Variants in LMNA observed in about 807,000 individuals in gnomAD.
LMNA encodes the protein lamin A/C.
LMNA carries 20 observed loss-of-function variants against 70.4 expected under a neutral mutation model. The ratio of observed to expected loss-of-function variants is 0.28; its 90% CI spans 0.20 to 0.41. The LOEUF (loss-of-function observed/expected upper bound fraction) is 0.41. Among genes scored for constraint, LMNA ranks in the 10% least tolerant of loss-of-function variants. The pLI, the probability that LMNA is intolerant of heterozygous loss-of-function variation, is 1.00. For missense variants in LMNA, 652 were observed against 917.2 expected (o/e 0.71, Z 3.73); for synonymous variants, 339 against 372.8 (o/e 0.91, Z 1.04).
intron 1 of LMNA, chr1:156,123,290 G>A (rs963326770): frequency 6.6e-6 from 1 of 152,190 alleles, no homozygotes; most frequent in Non-Finnish European, 1.5e-5. Flanking sequence ...GGTCACCAAG[G>A]CTCCCCTTTC....
At chr1:156,106,079 G>C (rs1301132357) in intron 3 of LMNA, among the ~76,000 whole-genome samples, 1 of 151,912 alleles carries the variant, frequency 6.6e-6, no homozygotes, top group Non-Finnish European at 1.5e-5. Context: ...GGCTTGCAGT[G>C]AGCCGAGATC....
intron 2 of LMNA, among the ~76,000 whole-genome samples, chr1:156,085,872 A>T (rs1648454853): frequency 6.6e-6 from 1 of 152,168 alleles, no homozygotes; most frequent in Non-Finnish European, 1.5e-5. Context: ...CCTGGGCAAC[A>T]TGGCAAAACC....
At chr1:156,127,934 C>T (rs1650737418) in intron 1 of LMNA, among the ~76,000 whole-genome samples, 1 of 152,092 alleles carries the variant, frequency 6.6e-6, no homozygotes, top group Admixed American at 6.6e-5. Flanking sequence ...GATCCACCTG[C>T]CTTGGCCTCC....
rs2102900068 is a variant in LMNA, at chr1:156,138,152, C to T, written c.1699-336C>T. 1.9e-6 allele frequency: 1 copy of T among 539,192 alleles called. No individual in the cohort carries two copies. Among genetic ancestry groups the T allele is most frequent in the East Asian group, 3.2e-5 (1 of 30,890 alleles). 33.4% of individuals were successfully genotyped at this position (539,192 alleles called of 1,614,324 possible). On this transcript the variant is annotated intron_variant, in intron 10 of 11. Transcript: ENST00000368300. This position sits in a 1 kb window ranked among gnomAD's most constrained non-coding sequence, Gnocchi z 5.5. ...ATGTTCTCTCTCATTCCTGACCGCC[C>T]CTCCACTCCAATTAATAGTGCATGC...
intron 2 of LMNA, among the ~76,000 whole-genome samples, chr1:156,132,029 C>T (rs1355323557): frequency 9.2e-5 from 14 of 152,028 alleles, no homozygotes; most frequent in East Asian, 3.9e-4. Flanking sequence ...ATTAGCCAGG[C>T]GTGGTGGCAC....
intron 1 of LMNA, among the ~76,000 whole-genome samples, chr1:156,118,961 T>A (rs930373253): frequency 2.0e-5 from 3 of 152,254 alleles, no homozygotes; most frequent in Admixed American, 1.3e-4. Context: ...CTCTTCTTTT[T>A]TTGAGACAGG....
Position 156,115,367 on chromosome 1 carries a change from C to A in LMNA, c.356+93C>A. The A allele has an allele frequency of 3.5e-6, 4 of 1,155,638 alleles. No individual in the cohort carries two copies. The highest frequency in any genetic ancestry group is 5.0e-6 in the Non-Finnish European group (4 of 800,878). 71.6% of individuals were successfully genotyped at this position (1,155,638 alleles called of 1,614,324 possible). A position where few individuals can be genotyped will look rare whatever the true frequency, so the allele number is the denominator to read the frequency against. On this transcript the variant is annotated intron_variant, in intron 1 of 11. Coordinates refer to ENST00000368300, the MANE Select transcript of LMNA (RefSeq NM_170707.4). This position sits in a 1 kb window ranked among gnomAD's most constrained non-coding sequence, Gnocchi z 5.8. ...CGGCCGCAGGAAGGGAGTGAGAGGG[C>A]CTGGAGGCCGATAACTTTGCCATAG...
Position 156,084,337 on chromosome 1 carries a change from G to C in LMNA, c.-319+1153G>C, listed in dbSNP as rs781718865. ...GAGGATCTCAGAAGGTCGGGGGGTG[G>C]TGGGGGCAGTTGGCACACTGCAGGG... is the stretch of plus-strand genomic sequence containing the variant. On this transcript the variant is annotated intron_variant, in intron 2 of 12. Coordinates refer to the LMNA transcript ENST00000368301. 4.1e-5 allele frequency among the ~76,000 whole-genome samples: 5 copies of C among 121,368 alleles called. 1 individual carries two copies. Among genetic ancestry groups the C allele is most frequent in the Non-Finnish European group, 8.8e-5 (5 of 56,724 alleles). The allele number at this position is 121,368 out of a possible 152,430, so 79.6% of individuals were successfully genotyped here.
At chr1:156,087,528 A>G (rs1648527108) in intron 2 of LMNA, among the ~76,000 whole-genome samples, 1 of 151,744 alleles carries the variant, frequency 6.6e-6, no homozygotes. Context: ...GTCGTGAGCC[A>G]TCGCGCCCGG....
chr1:156,086,422 CTCTTTT>C (rs1038466246), intron 2 of LMNA, among the ~76,000 whole-genome samples: 10 of 151,910 alleles, frequency 6.6e-5, no homozygotes, highest in African/African-American at 9.7e-5. Context: ...CTCTCTCTCT[CTCTTTT>C]GTCTTTCTTA....
In LMNA at chr1:156,135,258, G is replaced by A; in HGVS notation, c.882G>A (p.Gln294=). ...GGGCTGCCCACGAGGAGCTGCAGCA[G>A]TCGCGCATCCGCATCGACAGCCTCT... ...LVGAAHEELQ[Q]SRIRIDSLSA... Residue 294 remains glutamine, a synonymous_variant, in exon 5 of 12, where the codon CAG becomes CAA. Transcript: ENST00000368300. This position sits in a 1 kb window ranked among gnomAD's most constrained non-coding sequence, Gnocchi z 4.8. 6.2e-7 allele frequency: 1 copy of A among 1,613,694 alleles called. No homozygotes were observed. The highest frequency in any genetic ancestry group is 8.5e-7 in the Non-Finnish European group (1 of 1,180,038).
rs1651892577 is a variant in LMNA at position 156,138,880 on chromosome 1, G to A, written c.1968+123G>A. ...TCTTCCGCAGCCCGGGGGAGTGGGAGCCTCCTCCCCACAGCCTGAGTCCTA... is the reference window on the plus strand; with the variant it reads ...TCTTCCGCAGCCCGGGGGAGTGGGAACCTCCTCCCCACAGCCTGAGTCCTA... On this transcript the variant is annotated intron_variant, in intron 11 of 11. Coordinates refer to ENST00000368300, the MANE Select transcript of LMNA (RefSeq NM_170707.4). The surrounding 1 kb of genome is among the most constrained non-coding windows in gnomAD (Gnocchi z 5.5). 9 of 1,385,580 alleles carry A rather than the reference G, an allele frequency of 6.5e-6. No homozygotes were observed. The highest frequency in any genetic ancestry group is 8.1e-6 in the Non-Finnish European group (8 of 988,854). 85.8% of individuals were successfully genotyped at this position (1,385,580 alleles called of 1,614,324 possible). A position where few individuals can be genotyped will look rare whatever the true frequency, so the allele number is the denominator to read the frequency against.
rs1045472115 is a variant in LMNA at position 156,136,232 on chromosome 1, C to T, written c.1176C>T (p.Ser392=). The change falls in exon 7 of 12, where the codon AGC becomes AGT. Residue 392 remains serine (S), a synonymous_variant. Transcript: ENST00000368300. This position sits in a 1 kb window ranked among gnomAD's most constrained non-coding sequence, Gnocchi z 6.1. ...TCCCCAGGCTACGCCTGTCCCCCAGCCCTACCTCGCAGCGCAGCCGTGGCC... is the reference window on the plus strand; with the variant it reads ...TCCCCAGGCTACGCCTGTCCCCCAGTCCTACCTCGCAGCGCAGCCGTGGCC... The part of the protein sequence containing the change: ...GEEERLRLSP[S]PTSQRSRGRA... 6.2e-7 allele frequency: 1 copy of T among 1,612,330 alleles called. No homozygotes were observed. Among genetic ancestry groups the T allele is most frequent in the South Asian group, 1.1e-5 (1 of 91,080 alleles).
chr1:156,135,027 C>T lies in LMNA; in HGVS notation c.810+52C>T. On this transcript the variant is annotated intron_variant, in intron 4 of 11. Transcript: ENST00000368300. The surrounding 1 kb of genome is among the most constrained non-coding windows in gnomAD (Gnocchi z 4.8). ...CTGCCTCTGCCCTTGGCAGCCCTAC[C>T]CTTACCCACGCTGGGCTATGCCTTC... is the stretch of plus-strand genomic sequence containing the variant. 5 of 1,612,628 alleles carry T rather than the reference C, an allele frequency of 3.1e-6. No homozygotes were observed. The highest frequency in any genetic ancestry group is 4.2e-6 in the Non-Finnish European group (5 of 1,179,002).
intron 3 of LMNA, among the ~76,000 whole-genome samples, chr1:156,108,919 CG>C (rs1649442346): frequency 6.6e-6 from 1 of 152,120 alleles, no homozygotes; most frequent in South Asian, 2.1e-4. Context: ...GGCCTAAAGT[CG>C]GGAGAGGCTA....
intron 1 of LMNA, chr1:156,126,486 CAG>C: frequency 1.5e-6 from 1 of 658,890 alleles, no homozygotes; most frequent in Non-Finnish European, 2.8e-6. Flanking sequence ...CAGGGTGACT[CAG>C]AGGGTGGGTC....
At chr1:156,128,798 T>G (rs1171912149) in intron 1 of LMNA, among the ~76,000 whole-genome samples, 1 of 152,220 alleles carries the variant, frequency 6.6e-6, no homozygotes, top group Non-Finnish European at 1.5e-5. Context: ...CTCTAAATTC[T>G]GAGAGCCTCC....
chr1:156,126,828 A>T (rs937850569), intron 1 of LMNA: 2 of 1,611,640 alleles, frequency 1.2e-6, no homozygotes, highest in Non-Finnish European at 1.7e-6. Context: ...TGCTTGGGGA[A>T]CCTGGAGGAT....
chr1:156,131,941 G>A lies in LMNA; in HGVS notation c.513+1168G>A, dbSNP rs563876416. On this transcript the variant is annotated intron_variant, in intron 2 of 11. Transcript: ENST00000368300. Reference sequence around the variant, plus strand: ...TCCCAGCACTTTGGGAGGCCAAGGCGGGTGGATCATTTGAGGTCAGGAGTT... The same window carrying A: ...TCCCAGCACTTTGGGAGGCCAAGGCAGGTGGATCATTTGAGGTCAGGAGTT... Among the ~76,000 whole-genome samples, 12 of 152,352 alleles carry A rather than the reference G, an allele frequency of 7.9e-5. 1 individual carries two copies. The South Asian group carries it at 1.0e-3, about 13-fold the overall frequency.
Sources: gnomAD v4.1 joint callset for allele counts (sites outside exome capture counted in the v4.1 genomes callset) on GRCh38, gnomAD v4.1.1 for gene constraint, Gnocchi (gnomAD v3.1) non-coding constraint, MANE v1.5 for transcripts, NCBI Gene and HGNC (gene_info 2026-07-23, HGNC 2026-07-21) for gene names.